Variants in CTNNBIP1 observed in about 807,000 individuals in gnomAD.
The protein encoded by CTNNBIP1 is catenin beta interacting protein 1.
In CTNNBIP1, 7 loss-of-function variants were observed where a neutral mutation model predicts 11.8. That is an observed-to-expected ratio of 0.60 (90% CI 0.34 to 1.12). CTNNBIP1 has a LOEUF of 1.12. Ranked by LOEUF, CTNNBIP1 falls within the 50% of genes most tolerant of loss-of-function variation. CTNNBIP1 has a pLI of 0.03. For synonymous variants in CTNNBIP1, 58 were observed against 43.9 expected (o/e 1.32, Z -1.26); for missense variants, 101 against 113.4 (o/e 0.89, Z 0.50).
intron 1 of CTNNBIP1, among the ~76,000 whole-genome samples, chr1:9,889,617 G>A (rs1268931013): frequency 2.0e-5 from 3 of 152,084 alleles, no homozygotes; most frequent in Non-Finnish European, 2.9e-5. Context: ...CTGCACATCC[G>A]CCTGCATTTC....
intron 5 of CTNNBIP1, among the ~76,000 whole-genome samples, chr1:9,861,451 G>A (rs1335182016): frequency 6.6e-6 from 1 of 152,166 alleles, no homozygotes; most frequent in African/African-American, 2.4e-5. Flanking sequence ...AGAGTCCCCA[G>A]GGGATGGCTT....
intron 5 of CTNNBIP1, among the ~76,000 whole-genome samples, chr1:9,864,324 T>A (rs775160446): frequency 1.4e-4 from 21 of 152,234 alleles, no homozygotes; most frequent in Non-Finnish European, 2.4e-4. Flanking sequence ...CAGCAACACC[T>A]TGACAAGGGC....
chr1:9,871,984 C>A lies in CTNNBIP1; in HGVS notation c.81G>T (p.Arg27=). 1 of 1,614,154 alleles carries A rather than the reference C, an allele frequency of 6.2e-7. No individual in the cohort carries two copies. The highest frequency in any genetic ancestry group is 8.5e-7 in the Non-Finnish European group (1 of 1,179,972). ...AGGCACTCACGTTTGATCCCATCTT[C>A]CGCAGCATGAGCAGCACTCGGACCT... The part of the protein sequence containing the change: ...QQKVRVLLML[R]KMGSNLTASE... The change falls in exon 4 of 6, where the codon CGG becomes CGT. Residue 27 remains arginine, a synonymous_variant. Transcript: ENST00000377263. This position sits in a 1 kb window ranked among gnomAD's most constrained non-coding sequence, Gnocchi z 5.2.
intron 2 of CTNNBIP1, among the ~76,000 whole-genome samples, chr1:9,879,245 T>C (rs949347229): frequency 2.0e-5 from 3 of 151,946 alleles, no homozygotes; most frequent in African/African-American, 7.3e-5. Flanking sequence ...CCCACTCTTC[T>C]ACTACCACAG....
intron 3 of CTNNBIP1, among the ~76,000 whole-genome samples, chr1:9,876,627 A>C (rs1328523459): frequency 1.3e-5 from 2 of 152,094 alleles, no homozygotes; most frequent in Non-Finnish European, 2.9e-5. Flanking sequence ...AAAAAACAAA[A>C]ACAATAAAAC....
At chr1:9,869,137 C>G (rs980557279) in intron 5 of CTNNBIP1, among the ~76,000 whole-genome samples, 1 of 151,362 alleles carries the variant, frequency 6.6e-6, no homozygotes, top group African/African-American at 2.4e-5. Flanking sequence ...GTAGCTAGGA[C>G]TACAGACGTG....
intron 1 of CTNNBIP1, among the ~76,000 whole-genome samples, chr1:9,887,616 T>C (rs1639212663): frequency 6.6e-6 from 1 of 151,586 alleles, no homozygotes; most frequent in African/African-American, 2.4e-5. Flanking sequence ...GGCAAGAGAA[T>C]TGCTTGAACC....
intron 5 of CTNNBIP1, among the ~76,000 whole-genome samples, chr1:9,864,759 A>G (rs568985941): frequency 6.6e-6 from 1 of 152,350 alleles, no homozygotes; most frequent in Non-Finnish European, 1.5e-5. Context: ...TGCAGTGCTG[A>G]GGCAAGAAGA....
chr1:9,886,429 A>G lies in CTNNBIP1; in HGVS notation c.-143-2691T>C, dbSNP rs142329331. Among the ~76,000 whole-genome samples the G allele has an allele frequency of 5.1e-4, 77 of 152,338 alleles. 1 individual carries two copies. In the Middle Eastern group the frequency reaches 0.01, roughly 20 times the overall value. On this transcript the variant is annotated intron_variant, in intron 1 of 5. Coordinates refer to ENST00000377263, the MANE Select transcript of CTNNBIP1 (RefSeq NM_020248.3). ...CTTCTGACGTTGCCATGTGTCCCGT[A>G]GGGGACAAAATTGCCAGGTCGAGAG...
At chr1:9,873,950 G>C (rs889639823) in intron 3 of CTNNBIP1, among the ~76,000 whole-genome samples, 1 of 152,020 alleles carries the variant, frequency 6.6e-6, no homozygotes, top group Non-Finnish European at 1.5e-5. Context: ...TGTTGCCCAG[G>C]CTGGTCTCAA....
At chr1:9,895,114 A>G (rs570066401) in intron 1 of CTNNBIP1, among the ~76,000 whole-genome samples, 1 of 150,956 alleles carries the variant, frequency 6.6e-6, no homozygotes, top group Admixed American at 6.6e-5. Flanking sequence ...TCACCGTGTT[A>G]GCCAAGATGG....
chr1:9,890,322 C>G (rs1639275652), intron 1 of CTNNBIP1, among the ~76,000 whole-genome samples: 1 of 152,168 alleles, frequency 6.6e-6, no homozygotes, highest in African/African-American at 2.4e-5. Context: ...TGTCTTCAGG[C>G]TCTACTGTTC....
chr1:9,886,235 C>T (rs1224471247), intron 1 of CTNNBIP1, among the ~76,000 whole-genome samples: 6 of 152,158 alleles, frequency 3.9e-5, no homozygotes, highest in Non-Finnish European at 5.9e-5. Flanking sequence ...AGTGCTGCCC[C>T]GAATCACTGG....
chr1:9,899,717 C>T (rs1051150516), intron 1 of CTNNBIP1, among the ~76,000 whole-genome samples: 3 of 151,778 alleles, frequency 2.0e-5, no homozygotes, highest in African/African-American at 7.3e-5. Flanking sequence ...TGAGATCATG[C>T]CACTGCACTC....
chr1:9,885,984 C>G (rs1242693873), intron 1 of CTNNBIP1, among the ~76,000 whole-genome samples: 1 of 150,116 alleles, frequency 6.7e-6, no homozygotes, highest in Non-Finnish European at 1.5e-5. Context: ...TGGTATACAG[C>G]AAAGGCTCAA....
At position 9,850,360 on chromosome 1, in the gene CTNNBIP1, A is replaced by G; in HGVS notation, c.*358T>C. 1 of 203,344 alleles carries G rather than the reference A, an allele frequency of 4.9e-6. No individual in the cohort carries two copies. Among genetic ancestry groups the G allele is most frequent in the Admixed American group, 5.4e-5 (1 of 18,416 alleles). The allele number at this position is 203,344 out of a possible 1,614,324, so 12.6% of individuals were successfully genotyped here. On this transcript the variant is annotated 3_prime_UTR_variant, in exon 6 of 6. Transcript: ENST00000377263. ...ACATTTCTAAAAAAATGACCTAACTAAAGCACCAGAGCTCGGAGAGCTTCC... is the reference window on the plus strand; with the variant it reads ...ACATTTCTAAAAAAATGACCTAACTGAAGCACCAGAGCTCGGAGAGCTTCC...
chr1:9,885,440 A>G (rs1377014347), intron 1 of CTNNBIP1, among the ~76,000 whole-genome samples: 1 of 152,168 alleles, frequency 6.6e-6, no homozygotes, highest in African/African-American at 2.4e-5. Flanking sequence ...ATGCAAAGAA[A>G]GCACTTGAAG....
At position 9,871,249 on chromosome 1, in the gene CTNNBIP1, C is replaced by T. The variant is rs201081336; in HGVS notation, c.125G>A (p.Arg42His). 63 of 1,578,594 alleles carry T rather than the reference C, an allele frequency of 4.0e-5. No homozygotes were observed. The highest frequency in any genetic ancestry group is 3.5e-4 in the African/African-American group (26 of 74,726). Residue 42 changes from arginine (R) to histidine (H), a missense_variant, in exon 5 of 6, where the codon CGC becomes CAC. Transcript: ENST00000377263. The surrounding 1 kb of genome is among the most constrained non-coding windows in gnomAD (Gnocchi z 5.2). ...NLTASEEEFL[R>H]TYAGVVNSQL... ...GCTGTTGACCACCCCTGCATAGGTGCGCAGGAACTCCTCCTCGCTGGCTGT... is the reference window on the plus strand; with the variant it reads ...GCTGTTGACCACCCCTGCATAGGTGTGCAGGAACTCCTCCTCGCTGGCTGT...
intron 5 of CTNNBIP1, among the ~76,000 whole-genome samples, chr1:9,858,169 G>A (rs974429311): frequency 1.3e-5 from 2 of 152,126 alleles, no homozygotes; most frequent in Non-Finnish European, 2.9e-5. Context: ...CACCCTGGTC[G>A]GGGGTGGGTG....
Sources: allele counts gnomAD v4.1 joint callset (sites outside exome capture counted in the v4.1 genomes callset), GRCh38; gene constraint gnomAD v4.1.1; non-coding constraint Gnocchi (gnomAD v3.1); transcripts MANE v1.5; gene names NCBI Gene and HGNC (gene_info 2026-07-23, HGNC 2026-07-21).